MAD1L1: variants seen among roughly 807,000 people sequenced by gnomAD.
The protein encoded by MAD1L1 is mitotic arrest deficient 1 like 1, also known as mitotic spindle assembly checkpoint protein MAD1.
A neutral mutation model predicts 96.9 loss-of-function variants in MAD1L1; 95 were observed. The ratio of observed to expected loss-of-function variants is 0.98; its 90% CI spans 0.83 to 1.16. MAD1L1 has a LOEUF of 1.16. Among genes scored for constraint, MAD1L1 ranks in the 50% most tolerant of loss-of-function variants. The pLI, the probability that MAD1L1 is intolerant of heterozygous loss-of-function variation, is 0.00. For synonymous variants in MAD1L1, 473 were observed against 396.6 expected (o/e 1.19, Z -2.29); for missense variants, 1,007 against 954.4 (o/e 1.06, Z -0.73).
chr7:2,212,768 G>C (rs1489254815), intron 10 of MAD1L1, among the ~76,000 whole-genome samples: 1 of 152,110 alleles, frequency 6.6e-6, no homozygotes, highest in African/African-American at 2.4e-5. Context: ...CCCAGTCTCT[G>C]GTATTTCTTT....
intron 11 of MAD1L1, among the ~76,000 whole-genome samples, chr7:2,085,185 C>T (rs545813128): frequency 5.3e-5 from 8 of 152,354 alleles, no homozygotes; most frequent in Non-Finnish European, 1.0e-4. Flanking sequence ...ACGCTCACCT[C>T]AAGCACCCAC....
At position 2,230,008 on chromosome 7, in the gene MAD1L1, C is replaced by T. The variant is rs1270379998; in HGVS notation, c.126G>A (p.Gln42=). ...DISTSAPGSL[Q]MQYQQSMQLE... ...CCTGCATGCTCTGCTGGTACTGCAT[C>T]TGCAGAGAACCTGGGGCCGAGGTAG... The change falls in exon 3 of 19, where the codon CAG becomes CAA. Residue 42 remains glutamine (Q), a synonymous_variant. Coordinates refer to ENST00000265854, the MANE Select transcript of MAD1L1 (RefSeq NM_001013836.2). The T allele has an allele frequency of 6.2e-7, 1 of 1,613,214 alleles. No individual in the cohort carries two copies. Among genetic ancestry groups the T allele is most frequent in the Non-Finnish European group, 8.5e-7 (1 of 1,180,032 alleles).
intron 17 of MAD1L1, among the ~76,000 whole-genome samples, chr7:1,931,822 G>A (rs930382909): frequency 6.6e-6 from 1 of 152,220 alleles, no homozygotes; most frequent in African/African-American, 2.4e-5. Flanking sequence ...TGTCCCCAGA[G>A]CCAATGGTCG....
intron 17 of MAD1L1, among the ~76,000 whole-genome samples, chr7:1,904,576 C>T (rs1160608947): frequency 4.0e-5 from 5 of 123,620 alleles, no homozygotes; most frequent in African/African-American, 1.6e-4. Context: ...CTACGGAAGA[C>T]GCTCTTGCAG....
At chr7:1,856,898 T>C (rs946451937) in intron 18 of MAD1L1, among the ~76,000 whole-genome samples, 9 of 152,042 alleles carry the variant, frequency 5.9e-5, no homozygotes, top group Non-Finnish European at 1.0e-4. Flanking sequence ...TGCCTGTGTG[T>C]CCCCAGGGAG....
At chr7:2,193,870 T>C (rs1312966464) in intron 10 of MAD1L1, among the ~76,000 whole-genome samples, 2 of 147,682 alleles carry the variant, frequency 1.4e-5, no homozygotes, top group Non-Finnish European at 3.0e-5. Flanking sequence ...TGATGCTGTG[T>C]GGGCAGCAAA....
intron 11 of MAD1L1, among the ~76,000 whole-genome samples, chr7:2,077,040 C>A (rs1181014141): frequency 6.9e-6 from 1 of 144,126 alleles, no homozygotes; most frequent in Admixed American, 6.8e-5. Flanking sequence ...GACAGAGTTA[C>A]GACTTGGTGA....
chr7:2,133,505 C>T (rs1013910957), intron 11 of MAD1L1, among the ~76,000 whole-genome samples: 3 of 152,254 alleles, frequency 2.0e-5, no homozygotes, highest in Admixed American at 2.0e-4. Context: ...TTTGGGGCTT[C>T]TCCTTTTATT....
intron 11 of MAD1L1, among the ~76,000 whole-genome samples, chr7:2,122,377 TA>T (rs1225025086): frequency 6.6e-6 from 1 of 152,310 alleles, no homozygotes; most frequent in East Asian, 1.9e-4. Context: ...CTTGTAATCC[TA>T]AAAGTTTAGT....
Position 2,113,980 on chromosome 7 carries a change from A to T in MAD1L1, c.1073+35172T>A, listed in dbSNP as rs117870274. 8.2e-3 allele frequency among the ~76,000 whole-genome samples: 1,246 copies of T among 152,322 alleles called. 13 individuals are homozygous for T. The highest frequency in any genetic ancestry group is 0.014 in the Admixed American group (208 of 15,294). Reference sequence around the variant, plus strand: ...GGCCACCAAACGCCATGGGGATCCCAGGCCAGATCCTGGCACAGAAAAAGG... The same window carrying T: ...GGCCACCAAACGCCATGGGGATCCCTGGCCAGATCCTGGCACAGAAAAAGG... On this transcript the variant is annotated intron_variant, in intron 11 of 18. Transcript: ENST00000265854.
chr7:2,137,452 C>T (rs1788808471), intron 11 of MAD1L1, among the ~76,000 whole-genome samples: 2 of 152,180 alleles, frequency 1.3e-5, no homozygotes, highest in African/African-American at 2.4e-5. Flanking sequence ...AGAAACGTCA[C>T]AGAGCGGCAG....
intron 18 of MAD1L1, among the ~76,000 whole-genome samples, chr7:1,838,058 G>A (rs1421853449): frequency 6.6e-6 from 1 of 152,178 alleles, no homozygotes; most frequent in African/African-American, 2.4e-5. Context: ...GCTCTGCCTG[G>A]ACTGGGAAAC....
chr7:1,984,734 T>C (rs181327690), intron 14 of MAD1L1, among the ~76,000 whole-genome samples: 170 of 152,382 alleles, frequency 1.1e-3, no homozygotes, highest in African/African-American at 3.7e-3. Context: ...GGTTTTGCTT[T>C]GCAATCCAAT....
chr7:1,962,717 T>C (rs1463826918), intron 15 of MAD1L1, among the ~76,000 whole-genome samples: 3 of 152,194 alleles, frequency 2.0e-5, no homozygotes, highest in Non-Finnish European at 2.9e-5. Context: ...TCATTAGTCA[T>C]TTGTGAAATA....
chr7:2,013,765 T>G (rs957720009), intron 13 of MAD1L1, among the ~76,000 whole-genome samples: 1 of 152,134 alleles, frequency 6.6e-6, no homozygotes, highest in Non-Finnish European at 1.5e-5. Context: ...GGGAACGGTG[T>G]GCTAGGAGCC....
chr7:1,892,893 TCACTC>T (rs1348003408), intron 18 of MAD1L1, among the ~76,000 whole-genome samples: 2 of 152,176 alleles, frequency 1.3e-5, no homozygotes, highest in Non-Finnish European at 2.9e-5. Context: ...CCCGGCCTGG[TCACTC>T]CACTTCTTCT....
intron 18 of MAD1L1, 144 bp downstream of exon 18, chr7:1,898,056 C>A: frequency 1.2e-6 from 1 of 857,008 alleles, no homozygotes; most frequent in East Asian, 2.7e-5. Context: ...CGAGGACGGG[C>A]CAGTGCACCT....
chr7:1,858,793 A>G (rs1706672351), intron 18 of MAD1L1, among the ~76,000 whole-genome samples: 1 of 152,206 alleles, frequency 6.6e-6, no homozygotes, highest in African/African-American at 2.4e-5. Context: ...CCCCAGCTGG[A>G]AAGTAGGCCC....
At chr7:2,184,302 G>A (rs1348169735) in intron 10 of MAD1L1, among the ~76,000 whole-genome samples, 1 of 152,032 alleles carries the variant, frequency 6.6e-6, no homozygotes, top group African/African-American at 2.4e-5. Context: ...CATATTCACT[G>A]ACTAGGGAAC....
Sources: gnomAD v4.1 joint callset for allele counts (sites outside exome capture counted in the v4.1 genomes callset) on GRCh38, gnomAD v4.1.1 for gene constraint, MANE v1.5 for transcripts, NCBI Gene and HGNC (gene_info 2026-07-23, HGNC 2026-07-21) for gene names.